The following BBS4 variants were observed in gnomAD, a reference collection of about 807,000 sequenced individuals.
BBS4 encodes BBSome complex member BBS4.
Under a neutral mutation model 71.4 loss-of-function variants are expected in BBS4, and 58 were observed. That is an observed-to-expected ratio of 0.81 (90% CI 0.66 to 1.01). The LOEUF (loss-of-function observed/expected upper bound fraction) is 1.01, where lower values mean the gene tolerates loss of function less well. BBS4 is among the 50% of genes least tolerant of loss of function. The pLI is 0.00. For synonymous variants in BBS4, 228 were observed against 216.8 expected (o/e 1.05, Z -0.46); for missense variants, 660 against 607.9 (o/e 1.09, Z -0.90).
intron 2 of BBS4, among the ~76,000 whole-genome samples, chr15:72,699,073 CTCTGAG>C (rs2065126840): frequency 6.6e-6 from 1 of 152,054 alleles, no homozygotes; most frequent in Admixed American, 6.6e-5. Context: ...GTATCCTCAC[CTCTGAG>C]TCTATTTGTC....
In BBS4 at chr15:72,728,528, G is replaced by C. The variant is rs114759106; in HGVS notation, c.642+534G>C. The stretch of plus-strand genomic sequence containing the variant: ...AAAAAAAAAATTCTTATGCTATCCA[G>C]GAAAGAGCATATATGAGAAATAACT... On this transcript the variant is annotated intron_variant, in intron 9 of 15. Coordinates refer to ENST00000268057, the MANE Select transcript of BBS4 (RefSeq NM_033028.5). Among the ~76,000 whole-genome samples, 515 of 152,096 alleles carry C rather than the reference G, an allele frequency of 3.4e-3. 2 individuals carry two copies. Among genetic ancestry groups the C allele is most frequent in the African/African-American group, 0.012 (481 of 41,492 alleles).
chr15:72,690,324 CAG>C (rs1038323045), intron 1 of BBS4, among the ~76,000 whole-genome samples: 45 of 152,072 alleles, frequency 3.0e-4, no homozygotes, highest in African/African-American at 1.0e-3. Flanking sequence ...GAAGAAATAA[CAG>C]AATAAAATAA....
At chr15:72,721,307 A>C (rs2028221) in intron 6 of BBS4, among the ~76,000 whole-genome samples, 149,644 of 152,292 alleles carry the variant, frequency 0.98, 73,574 homozygotes, top group East Asian at 1. Context: ...TTTAGAAATA[A>C]ATACGGAAAC....
intron 15 of BBS4, 133 bp from the exon 16 acceptor site, chr15:72,737,345 C>G (rs549779099): frequency 1.3e-6 from 1 of 760,960 alleles, no homozygotes; most frequent in East Asian, 2.7e-5. Flanking sequence ...TTATAGTCTT[C>G]CCTTATAGTT....
At chr15:72,687,473 G>T (rs2064880071) in intron 1 of BBS4, among the ~76,000 whole-genome samples, 1 of 151,308 alleles carries the variant, frequency 6.6e-6, no homozygotes, top group Admixed American at 6.6e-5. Flanking sequence ...GCATCGTGGC[G>T]CTCGCCTGTA....
Position 72,689,100 on chromosome 15 carries a change from G to A in BBS4, c.24+2849G>A, listed in dbSNP as rs1048874326. 1.1e-4 allele frequency among the ~76,000 whole-genome samples: 16 copies of A among 151,948 alleles called. 1 individual carries two copies. Among genetic ancestry groups the A allele is most frequent in the Middle Eastern group, 6.8e-3 (2 of 294 alleles). ...TCCATGGTGTACATTTAAATAAAAGGTAGATGTGAAGTGGGGTATATTATG... is the reference window on the plus strand; with the variant it reads ...TCCATGGTGTACATTTAAATAAAAGATAGATGTGAAGTGGGGTATATTATG... On this transcript the variant is annotated intron_variant, in intron 1 of 15. Coordinates refer to ENST00000268057, the MANE Select transcript of BBS4 (RefSeq NM_033028.5).
intron 12 of BBS4, 25 bp downstream of exon 12, chr15:72,731,751 T>C: frequency 6.2e-7 from 1 of 1,613,490 alleles, no homozygotes; most frequent in Non-Finnish European, 8.5e-7. Context: ...TGTGGAAAAC[T>C]CTCTCTGCCA....
At chr15:72,732,469 A>G (rs756638772) in intron 12 of BBS4, among the ~76,000 whole-genome samples, 1 of 152,152 alleles carries the variant, frequency 6.6e-6, no homozygotes, top group Non-Finnish European at 1.5e-5. Flanking sequence ...CTCCATATAC[A>G]TTTACTTACT....
chr15:72,722,927 C>T (rs992631987), intron 7 of BBS4, 80 bp downstream of exon 7: 3 of 1,271,270 alleles, frequency 2.4e-6, no homozygotes, highest in African/African-American at 2.9e-5. Context: ...TTGGTATTAT[C>T]CCTAGTGCTT....
At chr15:72,694,841 T>G (rs2065046702) in intron 1 of BBS4, among the ~76,000 whole-genome samples, 1 of 152,214 alleles carries the variant, frequency 6.6e-6, no homozygotes, top group African/African-American at 2.4e-5. Context: ...GTTTGGCTGC[T>G]GAGAAGTATG....
chr15:72,686,638 C>T, intron 1 of BBS4: 1 of 1,125,604 alleles, frequency 8.9e-7, no homozygotes, highest in African/African-American at 1.6e-5. Context: ...TGGAAGCTTG[C>T]AGCGTCACTG....
At chr15:72,731,765 G>T (rs1567430318) in intron 12 of BBS4, 39 bp downstream of exon 12, 6 of 1,609,994 alleles carry the variant, frequency 3.7e-6, no homozygotes, top group Non-Finnish European at 5.1e-6. Flanking sequence ...TCTGCCATCT[G>T]TAATGAGGGA....
intron 3 of BBS4, among the ~76,000 whole-genome samples, chr15:72,710,195 GTTTTTTTTTT>G (rs66684005): frequency 1.9e-5 from 2 of 103,436 alleles, no homozygotes; most frequent in Admixed American, 2.4e-4. Flanking sequence ...ATTTTGTCGA[GTTTTTTTTTT>G]TTTTTTTTTT....
At chr15:72,715,230 C>G in intron 4 of BBS4, 61 bp from the exon 5 acceptor site, 1 of 1,281,364 alleles carries the variant, frequency 7.8e-7, no homozygotes, top group Non-Finnish European at 1.1e-6. Context: ...TTTCTGACCC[C>G]AGGCTCCATT....
At chr15:72,695,076 A>G in intron 1 of BBS4, 101 bp from the exon 2 acceptor site, 2 of 805,636 alleles carry the variant, frequency 2.5e-6, no homozygotes, top group Non-Finnish European at 4.2e-6. Context: ...GATTAATTGC[A>G]TAATTGGTGA....
At chr15:72,729,571 C>T (rs761173966) in intron 9 of BBS4, 45 bp from the exon 10 acceptor site, 82 of 1,585,262 alleles carry the variant, frequency 5.2e-5, no homozygotes, top group East Asian at 1.3e-4. Context: ...TTTTAACTGC[C>T]GTCTCCTTGC....
At chr15:72,686,649 C>CAGAAGGCAGTGACG in intron 1 of BBS4, 1 of 1,055,492 alleles carries the variant, frequency 9.5e-7, no homozygotes, top group Non-Finnish European at 1.3e-6. Context: ...AGCGTCACTG[C>CAGAAGGCAGTGACG]CTTCTGCCAG....
intron 2 of BBS4, among the ~76,000 whole-genome samples, chr15:72,696,964 G>A (rs149843952): frequency 4.6e-5 from 7 of 152,190 alleles, no homozygotes; most frequent in African/African-American, 1.7e-4. Flanking sequence ...GCGGAGGCTC[G>A]CTCTGTCACC....
intron 2 of BBS4, 59 bp from the exon 3 acceptor site, chr15:72,709,641 G>A: frequency 8.0e-7 from 1 of 1,254,758 alleles, no homozygotes; most frequent in Non-Finnish European, 1.2e-6. Context: ...CATGAGGACA[G>A]TGCTAAAGGA....
Sources: allele counts gnomAD v4.1 joint callset (sites outside exome capture counted in the v4.1 genomes callset), GRCh38; gene constraint gnomAD v4.1.1; transcripts MANE v1.5; gene names NCBI Gene and HGNC (gene_info 2026-07-23, HGNC 2026-07-21).